VPS52: variants seen among roughly 807,000 people sequenced by gnomAD.
VPS52 encodes VPS52 subunit of GARP complex, also known as vacuolar protein sorting-associated protein 52 homolog.
VPS52 carries 56 observed loss-of-function variants against 98.7 expected under a neutral mutation model. The observed-to-expected ratio is 0.57, with a 90% CI of 0.46 to 0.71. The LOEUF is 0.71. Among genes scored for constraint, VPS52 ranks in the 30% least tolerant of loss-of-function variants. The pLI is 0.00. For synonymous variants in VPS52, 348 were observed against 346.4 expected (o/e 1.00, Z -0.05); for missense variants, 742 against 925.9 (o/e 0.80, Z 2.58).
chr6:33,266,652 C>G lies in VPS52; in HGVS notation c.1186G>C (p.Glu396Gln), dbSNP rs776931349. 1 of 1,612,786 alleles carries G rather than the reference C, an allele frequency of 6.2e-7. No individual in the cohort carries two copies. Among genetic ancestry groups the G allele is most frequent in the Admixed American group, 1.7e-5 (1 of 59,990 alleles). Residue 396 changes from glutamate (E) to glutamine (Q), a missense_variant, in exon 12 of 20, where the codon GAA becomes CAA. Glu to Gln is a conservative substitution (Grantham distance 29). Coordinates refer to ENST00000445902, the MANE Select transcript of VPS52 (RefSeq NM_022553.6). ...AAAAATTCACAGATGAAAAGGTATT[C>G]GCGGCAGGAATTGTCTAGGAGGGCG... ...HYALLDNSCR[E>Q]YLFICEFFVV...
Position 33,263,495 on chromosome 6 carries a change from C to G in VPS52, c.1783G>C (p.Ala595Pro), listed in dbSNP as rs761422768. ...CCCCACACCCCTACCTGTGTCCGAG[C>G]ATTGAGCAGCTGCTGGAAGCTCTCA... is the stretch of plus-strand genomic sequence containing the variant. ...EVESFQQLLN[A>P]RTQEFIEELL... is the part of the protein sequence containing the mutation. Residue 595 changes from alanine to proline, a missense_variant, in exon 17 of 20, where the codon GCT (alanine) becomes CCT (proline). By Grantham distance (27) the Ala-to-Pro change is conservative. Around this residue, in one of 2 missense-constraint regions of VPS52, gnomAD observed 590 missense variants for 793.3 expected, o/e 0.74. Transcript: ENST00000445902. 1 of 1,613,818 alleles carries G rather than the reference C, an allele frequency of 6.2e-7. No individual in the cohort carries two copies. The highest frequency in any genetic ancestry group is 8.5e-7 in the Non-Finnish European group (1 of 1,179,980).
intron 17 of VPS52, among the ~76,000 whole-genome samples, chr6:33,262,961 C>T (rs1299974583): frequency 6.6e-6 from 1 of 152,060 alleles, no homozygotes; most frequent in Non-Finnish European, 1.5e-5. Context: ...ATAAGACCTA[C>T]TATTTGACAG....
Position 33,264,837 on chromosome 6 carries a change from T to A in VPS52, c.1345A>T (p.Ile449Phe). The change falls in exon 13 of 20, where the codon ATT (isoleucine) becomes TTT (phenylalanine). Residue 449 changes from isoleucine (I) to phenylalanine (F), a missense_variant. Physicochemically the swap from Ile to Phe is conservative, Grantham distance 21. Around this residue, in one of 2 missense-constraint regions of VPS52, gnomAD observed 590 missense variants for 793.3 expected, o/e 0.74. Transcript: ENST00000445902. ...GCAATGTTACGGAACCGGAGAACAA[T>A]GTGGATACAGAGAAAAACAGCAATG... ...DAIAVFLCIH[I>F]VLRFRNIAAK... is the part of the protein sequence containing the mutation. 1 of 1,612,992 alleles carries A rather than the reference T, an allele frequency of 6.2e-7. No individual in the cohort carries two copies. The highest frequency in any genetic ancestry group is 8.5e-7 in the Non-Finnish European group (1 of 1,180,004).
chr6:33,251,540 C>T lies in VPS52; in HGVS notation c.2003G>A (p.Arg668Lys). 6.2e-7 allele frequency: 1 copy of T among 1,613,308 alleles called. No homozygotes were observed. The highest frequency in any genetic ancestry group is 1.3e-5 in the African/African-American group (1 of 74,958). Residue 668 changes from arginine (R) to lysine (K), a missense_variant, in exon 19 of 20, where the codon AGA becomes AAA. Transcript: ENST00000445902. Reference protein sequence around the residue: ...QDVMRSFTNFRNGTSIIQGAL... With the variant: ...QDVMRSFTNFKNGTSIIQGAL... ...CACCTGAATGATACTGGTGCCATTT[C>T]TGAAGTTGGTGAAACTCCGCATTAC...
chr6:33,269,722 C>T, intron 4 of VPS52, 22 bp downstream of exon 4: 1 of 1,611,188 alleles, frequency 6.2e-7, no homozygotes. Context: ...TAGCACCACC[C>T]CTTCCCTCTG....
rs1372617292 is a variant in VPS52 at position 33,268,730 on chromosome 6, T to A, written c.549-81A>T. 2.0e-6 allele frequency: 3 copies of A among 1,464,428 alleles called. No homozygotes were observed. Among genetic ancestry groups the A allele is most frequent in the Non-Finnish European group, 2.7e-6 (3 of 1,102,360 alleles). The allele number at this position is 1,464,428 out of a possible 1,614,324, so 90.7% of individuals were successfully genotyped here. ...CCAGACCCAGACCACACTCCTTACC[T>A]CCAGCCCCTGTCATCTCTACCACCT... On this transcript the variant is annotated intron_variant, in intron 6 of 19. Transcript: ENST00000445902. The surrounding 1 kb of genome is among the most constrained non-coding windows in gnomAD (Gnocchi z 4.0).
At position 33,268,867 on chromosome 6, in the gene VPS52, ATACC is replaced by A; in HGVS notation, c.548+143_548+146del. ...AATCTTAATCTTTGATGCCTAATGC[ATACC>A]TAAAGAAATGGTGGTTAACCTGGCT... On this transcript the variant is annotated intron_variant, in intron 6 of 19. Transcript: ENST00000445902. This position sits in a 1 kb window ranked among gnomAD's most constrained non-coding sequence, Gnocchi z 4.0. The A allele has an allele frequency of 8.7e-7, 1 of 1,153,204 alleles. No individual in the cohort carries two copies. The highest frequency in any genetic ancestry group is 1.2e-6 in the Non-Finnish European group (1 of 823,494). 71.4% of individuals were successfully genotyped at this position (1,153,204 alleles called of 1,614,324 possible).
At chr6:33,251,170 C>T (rs1032482117) in intron 19 of VPS52, among the ~76,000 whole-genome samples, 183 bp from the exon 20 acceptor site, 1 of 152,082 alleles carries the variant, frequency 6.6e-6, no homozygotes, top group Non-Finnish European at 1.5e-5. Flanking sequence ...AGTGAAACCC[C>T]ATCTCTACTA....
At chr6:33,263,263 C>CAAAA (rs750569619) in intron 17 of VPS52, among the ~76,000 whole-genome samples, 6 of 44,408 alleles carry the variant, frequency 1.4e-4, no homozygotes, top group African/African-American at 3.9e-4. Flanking sequence ...CACTTTGCCT[C>CAAAA]AAAAAAAAAA....
Position 33,263,752 on chromosome 6 carries a change from G to A in VPS52, c.1728+20C>T. ...CCGAATTTTCTGGGTAGGAAGGCAA[G>A]GAGAAGGAGCACCTATTACCATCAG... is the stretch of plus-strand genomic sequence containing the variant. On this transcript the variant is annotated intron_variant, in intron 16 of 19. Coordinates refer to ENST00000445902, the MANE Select transcript of VPS52 (RefSeq NM_022553.6). The A allele has an allele frequency of 6.2e-7, 1 of 1,613,904 alleles. No homozygotes were observed. The highest frequency in any genetic ancestry group is 8.5e-7 in the Non-Finnish European group (1 of 1,179,798).
At chr6:33,256,723 C>A (rs1763018466) in intron 17 of VPS52, among the ~76,000 whole-genome samples, 1 of 151,162 alleles carries the variant, frequency 6.6e-6, no homozygotes, top group Non-Finnish European at 1.5e-5. Flanking sequence ...TGCCTGTAAT[C>A]CTAGCTACTC....
chr6:33,270,084 T>C, intron 2 of VPS52, 33 bp from the exon 3 acceptor site: 1 of 1,614,036 alleles, frequency 6.2e-7, no homozygotes, highest in East Asian at 2.2e-5. Flanking sequence ...AGGGTCCAGC[T>C]CCACAGCTCC....
chr6:33,267,265 G>A lies in VPS52; in HGVS notation c.1048C>T (p.Arg350Cys), dbSNP rs1291596778. The A allele has an allele frequency of 2.5e-6, 4 of 1,604,610 alleles. No individual in the cohort carries two copies. Among genetic ancestry groups the A allele is most frequent in the African/African-American group, 1.3e-5 (1 of 74,446 alleles). ...TCAGTGGGGGAGATGACAGAGCCGC[G>A]GGTTCCTAGGGTGAAAATGGTGTTC... ...SRNTIFTLGT[R>C]GSVISPTELE... is the part of the protein sequence containing the mutation. Residue 350 changes from arginine (R) to cysteine (C), a missense_variant, in exon 11 of 20, where the codon CGC becomes TGC. By Grantham distance (180) the Arg-to-Cys change is radical. This residue lies in a region of VPS52 where 590 missense variants were observed against 793.3 expected (regional missense o/e 0.74). Transcript: ENST00000445902. This position sits in a 1 kb window ranked among gnomAD's most constrained non-coding sequence, Gnocchi z 4.2.
intron 2 of VPS52, 38 bp from the exon 3 acceptor site, chr6:33,270,089 A>G (rs762991221): frequency 1.9e-6 from 3 of 1,613,888 alleles, no homozygotes; most frequent in East Asian, 4.5e-5. Context: ...CCAGCTCCAC[A>G]GCTCCCTCTC....
chr6:33,269,413 G>C, intron 5 of VPS52, 77 bp downstream of exon 5: 1 of 1,584,026 alleles, frequency 6.3e-7, no homozygotes, highest in Non-Finnish European at 8.7e-7. Flanking sequence ...TCTTGAGGCT[G>C]ATGACCTAAA....
rs1450726468 is a variant in VPS52, at chr6:33,264,847, G to T, written c.1335C>A (p.Leu445=). 1.9e-6 allele frequency: 3 copies of T among 1,613,090 alleles called. No homozygotes were observed. The South Asian group carries it at 3.3e-5, about 18-fold the overall frequency. Residue 445 remains leucine (L), a synonymous_variant, in exon 13 of 20, where the codon CTC becomes CTA. Coordinates refer to ENST00000445902, the MANE Select transcript of VPS52 (RefSeq NM_022553.6). ...ADCYDAIAVF[L]CIHIVLRFRN... ...GGAACCGGAGAACAATGTGGATACA[G>T]AGAAAAACAGCAATGGCATCGTAGC...
chr6:33,252,088 T>A, intron 17 of VPS52, 117 bp from the exon 18 acceptor site: 1 of 807,514 alleles, frequency 1.2e-6, no homozygotes, highest in Non-Finnish European at 2.0e-6. Context: ...CTGCAAAAGT[T>A]AAGGAAAATC....
In VPS52 at chr6:33,267,756, G is replaced by A. The variant is rs948429304; in HGVS notation, c.934-17C>T. 6.2e-7 allele frequency: 1 copy of A among 1,612,986 alleles called. No individual in the cohort carries two copies. The highest frequency in any genetic ancestry group is 8.5e-7 in the Non-Finnish European group (1 of 1,180,012). ...TTCCTCATACTAAGGAAAGAGAAAA[G>A]AGAACTGATAACCGTCTCTTCCCAC... On this transcript the variant is annotated splice_polypyrimidine_tract_variant and intron_variant, in intron 9 of 19. Coordinates refer to ENST00000445902, the MANE Select transcript of VPS52 (RefSeq NM_022553.6). The surrounding 1 kb of genome is among the most constrained non-coding windows in gnomAD (Gnocchi z 4.2).
chr6:33,258,109 T>A lies in VPS52; in HGVS notation c.1794+5375A>T, dbSNP rs10456072. ...AAAGCAACATTAAAAAAACAAAGGC[T>A]GGACGCGGTGGCTCATGCCTGTAAT... On this transcript the variant is annotated intron_variant, in intron 17 of 19. Coordinates refer to ENST00000445902, the MANE Select transcript of VPS52 (RefSeq NM_022553.6). 2.6e-5 allele frequency among the ~76,000 whole-genome samples: 4 copies of A among 151,740 alleles called. No homozygotes were observed. The East Asian group carries it at 5.9e-4, about 22-fold the overall frequency.
Sources: allele counts gnomAD v4.1 joint callset (sites outside exome capture counted in the v4.1 genomes callset), GRCh38; gene constraint gnomAD v4.1.1; regional missense constraint gnomAD v4.1.1; non-coding constraint Gnocchi (gnomAD v3.1); transcripts MANE v1.5; gene names NCBI Gene and HGNC (gene_info 2026-07-23, HGNC 2026-07-21).